Variants in ROBO2 observed in about 807,000 individuals in gnomAD.
ROBO2 encodes the protein roundabout guidance receptor 2, also known as roundabout homolog 2.
A neutral mutation model predicts 160.8 loss-of-function variants in ROBO2; 53 were observed. That is an observed-to-expected ratio of 0.33 (90% CI 0.26 to 0.41). The LOEUF (loss-of-function observed/expected upper bound fraction) is 0.41, where lower values mean the gene tolerates loss of function less well. Ranked by LOEUF, ROBO2 falls within the 10% of genes least tolerant of loss-of-function variation. The pLI is 1.00. For synonymous variants in ROBO2, 664 were observed against 611.7 expected (o/e 1.09, Z -1.26); for missense variants, 1,577 against 1,722.4 (o/e 0.92, Z 1.49).
chr3:77,293,390 C>G (rs1045254881), intron 2 of ROBO2, among the ~76,000 whole-genome samples: 3 of 112,454 alleles, frequency 2.7e-5, no homozygotes, highest in African/African-American at 8.7e-5. Flanking sequence ...CTAGATCACC[C>G]CAGACATAAA....
chr3:76,844,646 C>T (rs2068615217), intron 2 of ROBO2, among the ~76,000 whole-genome samples: 1 of 151,858 alleles, frequency 6.6e-6, no homozygotes, highest in African/African-American at 2.4e-5. Flanking sequence ...TAAGGGTTCT[C>T]TTTAAATATA....
intron 2 of ROBO2, among the ~76,000 whole-genome samples, chr3:75,947,521 A>G (rs62269842): frequency 7.1e-6 from 1 of 141,774 alleles, no homozygotes; most frequent in South Asian, 2.3e-4. Context: ...AAAGCCTGCA[A>G]TATTTACTGT....
At chr3:77,631,949 T>C (rs2095172326) in intron 23 of ROBO2, 1 of 152,154 alleles carries the variant, frequency 6.6e-6, no homozygotes, top group African/African-American at 2.4e-5. Context: ...ACATTTTTTG[T>C]TTGTGAATTT....
intron 2 of ROBO2, among the ~76,000 whole-genome samples, chr3:77,449,100 C>T (rs2080869091): frequency 6.6e-6 from 1 of 151,920 alleles, no homozygotes; most frequent in South Asian, 2.1e-4. Flanking sequence ...TAATTGCTTA[C>T]ATGAAAAGGT....
chr3:76,878,418 C>G (rs1041040491), intron 2 of ROBO2, among the ~76,000 whole-genome samples: 1 of 152,196 alleles, frequency 6.6e-6, no homozygotes, highest in South Asian at 2.1e-4. Flanking sequence ...TCTTTTGGTT[C>G]TAATGGTATG....
At chr3:77,521,512 G>T (rs2090594478) in intron 5 of ROBO2, among the ~76,000 whole-genome samples, 1 of 151,212 alleles carries the variant, frequency 6.6e-6, no homozygotes, top group South Asian at 2.1e-4. Context: ...GAAAGTAGTG[G>T]ATAAAAAAGT....
intron 1 of ROBO2, among the ~76,000 whole-genome samples, chr3:77,080,965 G>C (rs576929396): frequency 1.3e-5 from 2 of 152,216 alleles, no homozygotes; most frequent in South Asian, 4.1e-4. Flanking sequence ...AATGGCTCAA[G>C]TATTTGACAT....
At chr3:76,010,226 T>C (rs866131930) in intron 2 of ROBO2, among the ~76,000 whole-genome samples, 1 of 152,188 alleles carries the variant, frequency 6.6e-6, no homozygotes, top group Non-Finnish European at 1.5e-5. Flanking sequence ...ATTTGAACTT[T>C]ATAATTATGA....
At chr3:76,061,572 CAT>C (rs1441097883) in intron 2 of ROBO2, among the ~76,000 whole-genome samples, 1 of 152,098 alleles carries the variant, frequency 6.6e-6, no homozygotes, top group Admixed American at 6.6e-5. Flanking sequence ...GTGAAAAAAA[CAT>C]ATTTTATCTA....
At chr3:76,065,136 C>G (rs1414502207) in intron 2 of ROBO2, among the ~76,000 whole-genome samples, 1 of 151,804 alleles carries the variant, frequency 6.6e-6, no homozygotes, top group African/African-American at 2.4e-5. Flanking sequence ...AATTTGGAGC[C>G]CATAAAGATT....
At chr3:77,397,204 A>G (rs755319012) in intron 2 of ROBO2, among the ~76,000 whole-genome samples, 10 of 152,150 alleles carry the variant, frequency 6.6e-5, no homozygotes, top group Non-Finnish European at 1.3e-4. Context: ...GTAGGTAACT[A>G]AAAGTCTTAG....
chr3:76,217,103 T>A (rs1285629719), intron 2 of ROBO2, among the ~76,000 whole-genome samples: 1 of 152,202 alleles, frequency 6.6e-6, no homozygotes, highest in African/African-American at 2.4e-5. Context: ...AGGTGTTCTT[T>A]GAAACCAACG....
intron 3 of ROBO2, among the ~76,000 whole-genome samples, chr3:77,480,547 A>C (rs1307585993): frequency 2.0e-5 from 3 of 152,268 alleles, no homozygotes; most frequent in East Asian, 3.9e-4. Flanking sequence ...TTCTCCAAGA[A>C]TTATCTCTTA....
intron 2 of ROBO2, among the ~76,000 whole-genome samples, chr3:75,950,432 T>G (rs1433670294): frequency 6.6e-6 from 1 of 152,110 alleles, no homozygotes; most frequent in Non-Finnish European, 1.5e-5. Context: ...AAGATATAAA[T>G]AGAATATGAA....
At chr3:76,707,713 A>T (rs1305125393) in intron 2 of ROBO2, among the ~76,000 whole-genome samples, 2 of 137,044 alleles carry the variant, frequency 1.5e-5, no homozygotes, top group Admixed American at 7.7e-5. Flanking sequence ...ACACACACAC[A>T]TTAGAATACA....
chr3:76,876,476 A>G (rs950178239), intron 2 of ROBO2, among the ~76,000 whole-genome samples: 12 of 152,116 alleles, frequency 7.9e-5, no homozygotes, highest in South Asian at 4.1e-4. Flanking sequence ...GCAGTTTAAA[A>G]CCAGCCTGGC....
At chr3:76,012,511 T>C (rs2107617472) in intron 2 of ROBO2, among the ~76,000 whole-genome samples, 1 of 152,320 alleles carries the variant, frequency 6.6e-6, no homozygotes, top group Non-Finnish European at 1.5e-5. Context: ...AATAAGCATG[T>C]ATTGATGACC....
At chr3:77,013,819 G>C (rs996378827) in intron 2 of ROBO2, among the ~76,000 whole-genome samples, 4 of 152,226 alleles carry the variant, frequency 2.6e-5, no homozygotes, top group African/African-American at 9.6e-5. Flanking sequence ...ACCTACAACA[G>C]TTCCTATCAG....
At chr3:76,496,474 C>A (rs934967735) in intron 2 of ROBO2, among the ~76,000 whole-genome samples, 1 of 152,184 alleles carries the variant, frequency 6.6e-6, no homozygotes, top group Non-Finnish European at 1.5e-5. Flanking sequence ...TGGAAAATTT[C>A]ATATGTTACT....
Sources: gnomAD v4.1 joint callset for allele counts (sites outside exome capture counted in the v4.1 genomes callset) on GRCh38, gnomAD v4.1.1 for gene constraint, MANE v1.5 for transcripts, NCBI Gene and HGNC (gene_info 2026-07-23, HGNC 2026-07-21) for gene names.